EIF2S3: variants seen among roughly 807,000 people sequenced by gnomAD.
EIF2S3 encodes the protein eukaryotic translation initiation factor 2 subunit gamma.
EIF2S3 carries 2 observed loss-of-function variants against 31.7 expected under a neutral mutation model. The ratio of observed to expected loss-of-function variants is 0.06; its 90% CI spans 0.03 to 0.20. The LOEUF (loss-of-function observed/expected upper bound fraction) is 0.20, where lower values mean the gene tolerates loss of function less well. Among genes scored for constraint, EIF2S3 ranks in the 10% least tolerant of loss-of-function variants. The pLI, the probability that EIF2S3 is intolerant of heterozygous loss-of-function variation, is 1.00. For synonymous variants in EIF2S3, 120 were observed against 126.7 expected, an observed-to-expected ratio of 0.95 and a Z score of 0.36; for missense variants, 96 against 359.3, an observed-to-expected ratio of 0.27 and a Z score of 5.92.
Position 24,057,353 on chromosome X carries a change from A to G in EIF2S3, c.134-68A>G, listed in dbSNP as rs1328428297. ...TGGCTTTGGGTTTTCTACTCTTAAC[A>G]CTATTTGAAAAAATATTTGGTATGT... On this transcript the variant is annotated intron_variant, in intron 2 of 11. Transcript: ENST00000253039. The G allele has an allele frequency of 3.2e-5, 37 of 1,141,263 alleles. No homozygotes were observed. In the South Asian group the frequency reaches 5.6e-4, roughly 17 times the overall value. 94.1% of individuals were successfully genotyped at this position (1,141,263 alleles called of 1,213,427 possible).
At chrX:24,060,561 A>C in intron 5 of EIF2S3, 1 of 182,593 alleles carries the variant, frequency 5.5e-6, no homozygotes, top group Non-Finnish European at 1.0e-5. Context: ...TAAGATACAA[A>C]TATTCATAAT....
At chrX:24,060,967 A>AG (rs1930482687) in intron 5 of EIF2S3, among the ~76,000 whole-genome samples, 1 of 98,934 alleles carries the variant, frequency 1.0e-5, no homozygotes, top group Non-Finnish European at 2.0e-5. Context: ...AAAAAAAAAA[A>AG]AAAAGCGACT....
rs754330241 is a variant in EIF2S3, at chrX:24,055,564, A to G, written c.70-51A>G. ...AGATAGCAAACGTAAAGTCAAAGGA[A>G]AAGTTCTCATTTGTTTTACGTGCAG... On this transcript the variant is annotated intron_variant, in intron 1 of 11. Transcript: ENST00000253039. 3 of 1,158,280 alleles carry G rather than the reference A, an allele frequency of 2.6e-6. No homozygotes were observed. In the East Asian group the frequency reaches 8.9e-5, roughly 35 times the overall value.
chrX:24,055,486 G>A, intron 1 of EIF2S3, 129 bp from the exon 2 acceptor site: 1 of 637,467 alleles, frequency 1.6e-6, no homozygotes, highest in Non-Finnish European at 2.5e-6. Flanking sequence ...GTTACTGATA[G>A]GGAAAAGGAG....
rs1930790078 is a variant in EIF2S3 at position 24,078,369 on chromosome X, A to C, written c.*1584A>C. ...TGCTTCGTAAGAGGTTCTGTTGAGC[A>C]GTGATTTGCAACTCTTGCTGACGTT... On this transcript the variant is annotated 3_prime_UTR_variant, in exon 12 of 12. Transcript: ENST00000253039. 9.1e-6 allele frequency among the ~76,000 whole-genome samples: 1 copy of C among 110,306 alleles called. No homozygotes were observed. The highest frequency in any genetic ancestry group is 1.9e-5 in the Non-Finnish European group (1 of 52,852).
chrX:24,063,461 T>A (rs1447690811), intron 6 of EIF2S3, among the ~76,000 whole-genome samples: 1 of 111,978 alleles, frequency 8.9e-6, no homozygotes, highest in African/African-American at 3.2e-5. Context: ...TTTGACTAGC[T>A]TGTTTGACGT....
Position 24,062,563 on chromosome X carries a change from C to A in EIF2S3, c.626C>A (p.Ala209Glu). ...AAAGAACAATACGAGCAGATCCTTG[C>A]ATTTGTCCAAGGTAAGAAGCCATAA... ...QAKEQYEQIL[A>E]FVQGTVAEGA... The change falls in exon 6 of 12, where the codon GCA (alanine) becomes GAA (glutamate). Residue 209 changes from alanine to glutamate, a missense_variant. This residue lies in a region of EIF2S3 where 30 missense variants were observed against 139.5 expected (regional missense o/e 0.22). Transcript: ENST00000253039. 4 of 1,209,215 alleles carry A rather than the reference C, an allele frequency of 3.3e-6. No individual in the cohort carries two copies. Among genetic ancestry groups the A allele is most frequent in the Non-Finnish European group, 4.5e-6 (4 of 894,874 alleles).
Position 24,055,043 on chromosome X carries a change from G to T in EIF2S3, c.69+6G>T. 8.3e-7 allele frequency: 1 copy of T among 1,210,311 alleles called. No individual in the cohort carries two copies. The highest frequency in any genetic ancestry group is 1.8e-5 in the South Asian group (1 of 56,961). The stretch of plus-strand genomic sequence containing the variant: ...GTCAGGATCTCACCACCTTGGTGAG[G>T]TTTTGCTTGGGGAGGATGCAGAGTG... On this transcript the variant is annotated splice_donor_region_variant and intron_variant, in intron 1 of 11. Coordinates refer to ENST00000253039, the MANE Select transcript of EIF2S3 (RefSeq NM_001415.4).
intron 4 of EIF2S3, among the ~76,000 whole-genome samples, chrX:24,059,205 G>A (rs1047605459): frequency 1.8e-5 from 2 of 111,878 alleles, no homozygotes; most frequent in African/African-American, 3.2e-5. Context: ...AGAAGCAAAC[G>A]TAGACAATAC....
chrX:24,070,444 T>TTG (rs1402164401), intron 9 of EIF2S3, among the ~76,000 whole-genome samples: 130 of 79,036 alleles, frequency 1.6e-3, no homozygotes, highest in African/African-American at 5.8e-3. Context: ...ATGTAGTTTT[T>TTG]TTTTTTTTTT....
rs762847982 is a variant in EIF2S3, at chrX:24,060,083, A to G, written c.384-5A>G. 2.5e-6 allele frequency: 3 copies of G among 1,194,745 alleles called. No individual in the cohort carries two copies. The highest frequency in any genetic ancestry group is 4.4e-5 in the Admixed American group (2 of 45,922). On this transcript the variant is annotated splice_polypyrimidine_tract_variant and splice_region_variant and intron_variant, in intron 4 of 11. Transcript: ENST00000253039. The stretch of plus-strand genomic sequence containing the variant: ...TAAGGCTGATTGTTATTTCTCAATC[A>G]TTAGACATGTTTCCTTTGTTGACTG...
At chrX:24,055,703 C>G in intron 2 of EIF2S3, 25 bp downstream of exon 2, 1 of 1,177,792 alleles carries the variant, frequency 8.5e-7, no homozygotes, top group Non-Finnish European at 1.2e-6. Flanking sequence ...AGAGACCTAA[C>G]CTTGGTCTCC....
intron 2 of EIF2S3, 134 bp downstream of exon 2, chrX:24,055,812 C>G: frequency 1.6e-6 from 1 of 638,860 alleles, no homozygotes. Flanking sequence ...AATAAAGCAT[C>G]TGCTACATTT....
intron 4 of EIF2S3, among the ~76,000 whole-genome samples, chrX:24,058,254 A>G (rs1930433419): frequency 8.9e-6 from 1 of 111,944 alleles, no homozygotes; most frequent in African/African-American, 3.2e-5. Context: ...CCAGGGAGGG[A>G]CAAGTGAGGC....
intron 8 of EIF2S3, 130 bp from the exon 9 acceptor site, chrX:24,067,834 C>T (rs1349250795): frequency 2.1e-5 from 15 of 716,295 alleles, no homozygotes; most frequent in Non-Finnish European, 2.8e-5. Flanking sequence ...GTGATCCACC[C>T]GCCTCGGCCT....
chrX:24,066,181 A>G, intron 8 of EIF2S3, 89 bp downstream of exon 8: 1 of 624,779 alleles, frequency 1.6e-6, no homozygotes, highest in Non-Finnish European at 2.4e-6. Flanking sequence ...CAGGAAAAAA[A>G]GTATGGACAA....
At chrX:24,061,574 A>AT (rs1156618611) in intron 5 of EIF2S3, among the ~76,000 whole-genome samples, 40 of 108,120 alleles carry the variant, frequency 3.7e-4, no homozygotes, top group African/African-American at 1.2e-3. Context: ...CAAAAAAAAA[A>AT]TTTTTTTTTT....
At position 24,060,277 on chromosome X, in the gene EIF2S3, A is replaced by G. The variant is rs16982874; in HGVS notation, c.478+95A>G. 3,877 of 749,701 alleles carry G rather than the reference A, an allele frequency of 5.2e-3. 112 individuals are homozygous for G. The African/African-American group carries it at 0.07, about 13-fold the overall frequency. The allele number at this position is 749,701 out of a possible 1,213,427, so 61.8% of individuals were successfully genotyped here. On this transcript the variant is annotated intron_variant, in intron 5 of 11. Coordinates refer to ENST00000253039, the MANE Select transcript of EIF2S3 (RefSeq NM_001415.4). ...ACTAAGGCCTTTAAGGATCATATCT[A>G]TTACCTAAGGGTGACATGAATGGGA...
At chrX:24,066,490 CAT>C (rs59063279) in intron 8 of EIF2S3, among the ~76,000 whole-genome samples, 3 of 106,653 alleles carry the variant, frequency 2.8e-5, no homozygotes, top group Admixed American at 1.0e-4. Context: ...TACTTCATTG[CAT>C]ATATATATAT....
Sources: gnomAD v4.1 joint callset for allele counts (sites outside exome capture counted in the v4.1 genomes callset) on GRCh38, gnomAD v4.1.1 for gene constraint, gnomAD v4.1.1 regional missense constraint, MANE v1.5 for transcripts, NCBI Gene and HGNC (gene_info 2026-07-23, HGNC 2026-07-21) for gene names.